The following LRRTM4 variants were observed in gnomAD, a reference collection of about 807,000 sequenced individuals.
LRRTM4 encodes the protein leucine-rich repeat transmembrane neuronal protein 4.
A neutral mutation model predicts 47.6 loss-of-function variants in LRRTM4; 25 were observed. The ratio of observed to expected loss-of-function variants is 0.53; its 90% CI spans 0.38 to 0.73. The LOEUF is 0.73. Ranked by LOEUF, LRRTM4 falls within the 30% of genes least tolerant of loss-of-function variation. The pLI is 0.00. For missense variants in LRRTM4, 638 were observed against 713.4 expected (o/e 0.89, Z 1.20); for synonymous variants, 311 against 269.5 (o/e 1.15, Z -1.51).
rs553757766 is a variant in LRRTM4, at chr2:77,297,419, A to G, written c.1551+220899T>C. 1.8e-4 allele frequency among the ~76,000 whole-genome samples: 28 copies of G among 152,320 alleles called. No individual in the cohort carries two copies. In the South Asian group the frequency reaches 4.4e-3, roughly 24 times the overall value. ...GTCACTATGCTCTATTGTGCCTCTA[A>G]TGAGGCTACTGGTTCCAATTTAGAA... On this transcript the variant is annotated intron_variant, in intron 3 of 3. Coordinates refer to ENST00000409884, the MANE Select transcript of LRRTM4 (RefSeq NM_001134745.3).
In LRRTM4 at chr2:77,486,542, C is replaced by G. The variant is rs1248150049; in HGVS notation, c.1551+31776G>C. Among the ~76,000 whole-genome samples, 26 of 151,932 alleles carry G rather than the reference C, an allele frequency of 1.7e-4. 1 individual carries two copies. Among genetic ancestry groups the G allele is most frequent in the Admixed American group, 1.7e-3 (26 of 15,252 alleles). ...GGATCCAGTATAATGGCATATTTCT[C>G]ATGAAAAAATAACAATTATAATATT... On this transcript the variant is annotated intron_variant, in intron 3 of 3. Transcript: ENST00000409884.
intron 3 of LRRTM4, among the ~76,000 whole-genome samples, chr2:76,753,319 A>G (rs992086717): frequency 2.0e-5 from 3 of 152,156 alleles, no homozygotes; most frequent in Admixed American, 1.3e-4. Flanking sequence ...CTGAAGGGCC[A>G]TAGTCACACT....
At chr2:77,078,969 T>C (rs986145864) in intron 3 of LRRTM4, among the ~76,000 whole-genome samples, 3 of 152,140 alleles carry the variant, frequency 2.0e-5, no homozygotes, top group Non-Finnish European at 4.4e-5. Context: ...AAGGGGAGAA[T>C]GGGCTCCCTT....
At chr2:77,116,317 A>G (rs562873306) in intron 3 of LRRTM4, among the ~76,000 whole-genome samples, 3 of 152,286 alleles carry the variant, frequency 2.0e-5, no homozygotes, top group African/African-American at 7.2e-5. Flanking sequence ...TAGTCAACCT[A>G]TAACACTAAA....
chr2:76,879,012 G>A (rs1381085245), intron 3 of LRRTM4, among the ~76,000 whole-genome samples: 2 of 152,160 alleles, frequency 1.3e-5, no homozygotes, highest in African/African-American at 4.8e-5. Context: ...AAGGAGGTAA[G>A]GAAGCTGCAG....
At chr2:76,923,050 G>A (rs938529781) in intron 3 of LRRTM4, among the ~76,000 whole-genome samples, 4 of 152,046 alleles carry the variant, frequency 2.6e-5, no homozygotes, top group African/African-American at 9.7e-5. Flanking sequence ...TTATTGGGAA[G>A]AATCACAAAA....
chr2:77,026,693 T>C lies in LRRTM4; in HGVS notation c.1552-277777A>G, dbSNP rs1678465967. ...AAGTAAAATTCTGAATGAGTATTATTTGCACTTCTGTTTGCCTATTATACA... is the reference window on the plus strand; with the variant it reads ...AAGTAAAATTCTGAATGAGTATTATCTGCACTTCTGTTTGCCTATTATACA... On this transcript the variant is annotated intron_variant, in intron 3 of 3. Transcript: ENST00000409884. Among the ~76,000 whole-genome samples, 3 of 151,974 alleles carry C rather than the reference T, an allele frequency of 2.0e-5. No individual in the cohort carries two copies. The South Asian group carries it at 6.2e-4, about 31-fold the overall frequency.
intron 3 of LRRTM4, among the ~76,000 whole-genome samples, chr2:77,005,044 G>A (rs897122493): frequency 1.3e-5 from 2 of 152,086 alleles, no homozygotes. Flanking sequence ...TAGATGGAAG[G>A]GACTTGCCTC....
chr2:77,244,420 T>C (rs1675372661), intron 3 of LRRTM4, among the ~76,000 whole-genome samples: 1 of 152,216 alleles, frequency 6.6e-6, no homozygotes, highest in South Asian at 2.1e-4. Context: ...TTTTCAGTTT[T>C]ATTTAATGTT....
chr2:76,963,457 G>A (rs888373350), intron 3 of LRRTM4, among the ~76,000 whole-genome samples: 1 of 150,852 alleles, frequency 6.6e-6, no homozygotes, highest in Admixed American at 6.6e-5. Context: ...ACATGATCAG[G>A]CAATACGTAA....
intron 3 of LRRTM4, among the ~76,000 whole-genome samples, chr2:77,489,131 G>T (rs966423682): frequency 1.0e-4 from 2 of 19,866 alleles, no homozygotes; most frequent in South Asian, 1.3e-3. Context: ...ATGGCCAAAT[G>T]GTCTCTATAT....
At chr2:77,055,429 A>G (rs542145844) in intron 3 of LRRTM4, among the ~76,000 whole-genome samples, 1 of 152,214 alleles carries the variant, frequency 6.6e-6, no homozygotes, top group Non-Finnish European at 1.5e-5. Context: ...GCCAAAAAAC[A>G]CATGAAAAAA....
intron 3 of LRRTM4, among the ~76,000 whole-genome samples, chr2:77,430,068 CAA>C (rs911997273): frequency 7.3e-6 from 1 of 137,786 alleles, no homozygotes; most frequent in Admixed American, 7.2e-5. Context: ...GGCTGTGTCT[CAA>C]AAAAAAAAAA....
intron 3 of LRRTM4, among the ~76,000 whole-genome samples, chr2:76,970,559 A>G (rs1573384776): frequency 6.6e-6 from 1 of 152,190 alleles, no homozygotes; most frequent in Admixed American, 6.6e-5. Context: ...ATATTGTAGA[A>G]TAACTGTTGC....
chr2:77,138,804 C>G (rs1672027964), intron 3 of LRRTM4, among the ~76,000 whole-genome samples: 1 of 151,952 alleles, frequency 6.6e-6, no homozygotes, highest in African/African-American at 2.4e-5. Flanking sequence ...ACCACCGATC[C>G]CACAGAAATA....
chr2:77,123,561 C>T (rs1671574423), intron 3 of LRRTM4, among the ~76,000 whole-genome samples: 2 of 151,866 alleles, frequency 1.3e-5, no homozygotes, highest in South Asian at 2.1e-4. Context: ...ATAATCTTGG[C>T]CTTAACTATC....
intron 3 of LRRTM4, 56 bp from the exon 4 acceptor site, chr2:76,748,972 G>T (rs537008907): frequency 7.1e-7 from 1 of 1,404,012 alleles, no homozygotes; most frequent in Admixed American, 1.9e-5. Flanking sequence ...GGAAAGATAG[G>T]ACAGCACTCA....
At chr2:77,285,340 T>TTTTATATATATATATATATATATA (rs1553422162) in intron 3 of LRRTM4, among the ~76,000 whole-genome samples, 3 of 82,590 alleles carry the variant, frequency 3.6e-5, no homozygotes, top group Non-Finnish European at 4.7e-5. Flanking sequence ...AGCATTAAAT[T>TTTTATATATATATATATATATATA]TATATATATA....
At chr2:76,949,458 G>C (rs1232052358) in intron 3 of LRRTM4, among the ~76,000 whole-genome samples, 1 of 151,826 alleles carries the variant, frequency 6.6e-6, no homozygotes, top group African/African-American at 2.4e-5. Flanking sequence ...AGTACCCCAA[G>C]GAGAGAACAA....
Sources: allele counts gnomAD v4.1 joint callset (sites outside exome capture counted in the v4.1 genomes callset), GRCh38; gene constraint gnomAD v4.1.1; transcripts MANE v1.5; gene names NCBI Gene and HGNC (gene_info 2026-07-23, HGNC 2026-07-21).